USP28: variants seen among roughly 807,000 people sequenced by gnomAD.
USP28 encodes ubiquitin carboxyl-terminal hydrolase 28.
In USP28, 113 loss-of-function variants were observed where a neutral mutation model predicts 145.0. That is an observed-to-expected ratio of 0.78 (90% CI 0.67 to 0.91). USP28 has a LOEUF of 0.91. Among genes scored for constraint, USP28 ranks in the 40% least tolerant of loss-of-function variants. USP28 has a pLI of 0.00. For synonymous variants in USP28, 447 were observed against 450.9 expected, an observed-to-expected ratio of 0.99 and a Z score of 0.11; for missense variants, 1,201 against 1,289.6, an observed-to-expected ratio of 0.93 and a Z score of 1.05.
intron 10 of USP28, among the ~76,000 whole-genome samples, chr11:113,827,659 C>G (rs571209415): frequency 6.6e-6 from 1 of 152,158 alleles, no homozygotes; most frequent in Non-Finnish European, 1.5e-5. Flanking sequence ...GTGAACCGCA[C>G]TAAGCATCTA....
chr11:113,871,425 A>G (rs1435242663), intron 1 of USP28, among the ~76,000 whole-genome samples: 1 of 152,140 alleles, frequency 6.6e-6, no homozygotes, highest in Non-Finnish European at 1.5e-5. Context: ...TATTTTATAC[A>G]ATTTACACAT....
At chr11:113,875,508 G>A in exon 1 of USP28, 10 of 1,169,320 alleles carry the variant, frequency 8.6e-6, no homozygotes, top group South Asian at 3.6e-5. Flanking sequence ...TCATGGCCGA[G>A]GCGCCCAGCC....
chr11:113,840,572 A>G (rs1471900586), intron 5 of USP28, 26 bp downstream of exon 5: 2 of 1,592,244 alleles, frequency 1.3e-6, no homozygotes, highest in Non-Finnish European at 1.7e-6. Flanking sequence ...TCCAAAAGAC[A>G]CAGTTATCTC....
chr11:113,863,152 CA>C (rs1262267699), intron 1 of USP28, among the ~76,000 whole-genome samples: 3 of 152,022 alleles, frequency 2.0e-5, no homozygotes, highest in Non-Finnish European at 4.4e-5. Context: ...AAAGATTCTG[CA>C]AAAAAGTTAC....
At chr11:113,837,662 A>T (rs1037232763) in intron 5 of USP28, among the ~76,000 whole-genome samples, 11 of 152,166 alleles carry the variant, frequency 7.2e-5, no homozygotes, top group African/African-American at 2.7e-4. Flanking sequence ...TACGGTCTTA[A>T]CTACCCTTCA....
chr11:113,875,513 C>T (rs1336768003), exon 1 of USP28: 3 of 1,163,510 alleles, frequency 2.6e-6, no homozygotes, highest in East Asian at 4.3e-5. Flanking sequence ...GCCGAGGCGC[C>T]CAGCCGCGGG....
intron 11 of USP28, 66 bp from the exon 12 acceptor site, chr11:113,823,766 A>G (rs772865416): frequency 1.7e-5 from 23 of 1,334,246 alleles, no homozygotes; most frequent in Non-Finnish European, 2.4e-5. Context: ...GTCTCAGTAA[A>G]CTAAAGATTC....
At chr11:113,834,618 A>G (rs2513580) in intron 5 of USP28, among the ~76,000 whole-genome samples, 9,835 of 152,214 alleles carry the variant, frequency 0.065, 434 homozygotes, top group Non-Finnish European at 0.09. Flanking sequence ...GGGTCTCCCT[A>G]TGTTGCCCAG....
At chr11:113,817,023 A>T (rs570121254) in intron 13 of USP28, among the ~76,000 whole-genome samples, 17 of 152,120 alleles carry the variant, frequency 1.1e-4, no homozygotes, top group Non-Finnish European at 2.4e-4. Flanking sequence ...TTGACAAAAA[A>T]GTCTAACTTT....
At chr11:113,871,749 G>C (rs1948840637) in intron 1 of USP28, among the ~76,000 whole-genome samples, 1 of 152,194 alleles carries the variant, frequency 6.6e-6, no homozygotes, top group Admixed American at 6.5e-5. Flanking sequence ...AGCGAGCTCA[G>C]TCAAGTAGAA....
At chr11:113,853,786 G>A (rs1203635256) in intron 2 of USP28, among the ~76,000 whole-genome samples, 4 of 150,834 alleles carry the variant, frequency 2.7e-5, no homozygotes, top group African/African-American at 9.8e-5. Context: ...GACTGAGGTG[G>A]GAGAACAGCT....
chr11:113,844,468 A>G (rs1389570684), intron 3 of USP28, among the ~76,000 whole-genome samples: 1 of 151,820 alleles, frequency 6.6e-6, no homozygotes, highest in Non-Finnish European at 1.5e-5. Flanking sequence ...AAAAGAAGAG[A>G]CAACTCATAG....
At chr11:113,828,894 G>T (rs1282555313) in intron 10 of USP28, 2 of 544,666 alleles carry the variant, frequency 3.7e-6, no homozygotes, top group Admixed American at 2.2e-5. Flanking sequence ...GGAGGCAGTG[G>T]GTTCTCCCTA....
intron 2 of USP28, 118 bp downstream of exon 2, chr11:113,854,140 T>C: frequency 1.1e-6 from 1 of 889,322 alleles, no homozygotes; most frequent in South Asian, 1.7e-5. Context: ...ATTTGACCTG[T>C]AGAGCTTCTG....
intron 16 of USP28, 120 bp from the exon 17 acceptor site, chr11:113,809,374 G>T: frequency 1.1e-6 from 1 of 940,896 alleles, no homozygotes; most frequent in Non-Finnish European, 1.6e-6. Context: ...CATGCACATA[G>T]AATCCATCAG....
In USP28 at chr11:113,861,473, A is replaced by C. The variant is rs1364811433; in HGVS notation, c.58-7138T>G. Among the ~76,000 whole-genome samples, 3 of 152,380 alleles carry C rather than the reference A, an allele frequency of 2.0e-5. No homozygotes were observed. The East Asian group carries it at 5.8e-4, about 29-fold the overall frequency. On this transcript the variant is annotated intron_variant, in intron 1 of 24. Transcript: ENST00000003302. ...TTTTAAAAACCATTAAAAGTGTTTAAAATTTAGCCACTATTATATCATGTA... is the reference window on the plus strand; with the variant it reads ...TTTTAAAAACCATTAAAAGTGTTTACAATTTAGCCACTATTATATCATGTA...
intron 1 of USP28, chr11:113,874,898 T>C: frequency 2.0e-6 from 2 of 1,002,114 alleles, no homozygotes; most frequent in Non-Finnish European, 2.4e-6. Context: ...ATGAAGGCAA[T>C]AATTGGGGAG....
intron 1 of USP28, among the ~76,000 whole-genome samples, chr11:113,873,106 T>C (rs1948998134): frequency 6.6e-6 from 1 of 152,160 alleles, no homozygotes; most frequent in Non-Finnish European, 1.5e-5. Context: ...AAATATCCTT[T>C]AAGGGAAAGG....
chr11:113,823,744 T>C (rs1444651061), intron 11 of USP28, 44 bp from the exon 12 acceptor site: 2 of 1,468,374 alleles, frequency 1.4e-6, no homozygotes, highest in African/African-American at 2.8e-5. Flanking sequence ...TATAAAACAT[T>C]AATGACATAA....
Sources: gnomAD v4.1 joint callset for allele counts (sites outside exome capture counted in the v4.1 genomes callset) on GRCh38, gnomAD v4.1.1 for gene constraint, MANE v1.5 for transcripts, NCBI Gene and HGNC (gene_info 2026-07-23, HGNC 2026-07-21) for gene names.